RORA: variants seen among roughly 807,000 people sequenced by gnomAD.
RORA encodes the protein nuclear receptor ROR-alpha.
In RORA, 7 loss-of-function variants were observed where a neutral mutation model predicts 69.5. The ratio of observed to expected loss-of-function variants is 0.10; its 90% CI spans 0.06 to 0.19. The LOEUF is 0.19. RORA is among the 10% of genes least tolerant of loss of function. The pLI is 1.00. For missense variants in RORA, 457 were observed against 663.0 expected, an observed-to-expected ratio of 0.69 and a Z score of 3.41; for synonymous variants, 261 against 240.8, an observed-to-expected ratio of 1.08 and a Z score of -0.78.
At chr15:60,943,018 C>T (rs567380694) in intron 1 of RORA, among the ~76,000 whole-genome samples, 35 of 152,360 alleles carry the variant, frequency 2.3e-4, no homozygotes, top group African/African-American at 7.9e-4. Context: ...CTATTTTTAG[C>T]ATGAACTCTC....
At chr15:60,735,234 T>C (rs188929022) in intron 1 of RORA, among the ~76,000 whole-genome samples, 1 of 152,360 alleles carries the variant, frequency 6.6e-6, no homozygotes, top group African/African-American at 2.4e-5. Flanking sequence ...CAGAAAGATT[T>C]GTTGCTTATG....
At chr15:60,617,082 T>C (rs537786646) in intron 2 of RORA, among the ~76,000 whole-genome samples, 3 of 152,324 alleles carry the variant, frequency 2.0e-5, no homozygotes, top group African/African-American at 7.2e-5. Context: ...CTTTCTCTCC[T>C]TTCTGTCCTA....
intron 1 of RORA, among the ~76,000 whole-genome samples, chr15:61,149,646 A>G (rs1294862670): frequency 6.6e-6 from 1 of 152,196 alleles, no homozygotes; most frequent in African/African-American, 2.4e-5. Flanking sequence ...TTGAGATTCC[A>G]TATGAACTCC....
At chr15:60,638,481 C>A (rs1487066368) in intron 2 of RORA, among the ~76,000 whole-genome samples, 1 of 148,868 alleles carries the variant, frequency 6.7e-6, no homozygotes, top group Non-Finnish European at 1.5e-5. Flanking sequence ...AAGCATTAGT[C>A]CCAAGAAGTG....
intron 1 of RORA, among the ~76,000 whole-genome samples, chr15:61,207,505 A>G (rs2079953367): frequency 6.6e-6 from 1 of 152,240 alleles, no homozygotes; most frequent in African/African-American, 2.4e-5. Context: ...CATGAAAAGA[A>G]CAACACACAT....
intron 1 of RORA, among the ~76,000 whole-genome samples, chr15:60,958,374 A>G (rs1190046109): frequency 6.6e-6 from 1 of 152,182 alleles, no homozygotes; most frequent in Non-Finnish European, 1.5e-5. Flanking sequence ...TTACCAAAAC[A>G]TATGACTGTC....
chr15:61,015,238 G>A (rs1027245506), intron 1 of RORA, among the ~76,000 whole-genome samples: 10 of 152,110 alleles, frequency 6.6e-5, no homozygotes, highest in Admixed American at 1.3e-4. Context: ...AAGCCCTGGC[G>A]GCAGATTCTA....
At chr15:60,885,581 G>C (rs542944474) in intron 1 of RORA, among the ~76,000 whole-genome samples, 1 of 152,274 alleles carries the variant, frequency 6.6e-6, no homozygotes, top group South Asian at 2.1e-4. Flanking sequence ...AGACAGTCTG[G>C]TCCAGGCAAG....
chr15:61,099,842 C>T (rs760447486), intron 1 of RORA, among the ~76,000 whole-genome samples: 5 of 152,144 alleles, frequency 3.3e-5, no homozygotes, highest in African/African-American at 9.7e-5. Flanking sequence ...ATCCTTCTAC[C>T]CTTAGGTGAA....
chr15:60,516,009 ATT>A (rs2065885889), intron 3 of RORA, among the ~76,000 whole-genome samples: 7 of 11,796 alleles, frequency 5.9e-4, no homozygotes, highest in Non-Finnish European at 1.0e-3. Context: ...ATTTATATAT[ATT>A]TATATATATT....
intron 1 of RORA, among the ~76,000 whole-genome samples, chr15:60,715,987 C>G (rs1381685298): frequency 1.3e-5 from 2 of 152,218 alleles, no homozygotes; most frequent in Non-Finnish European, 2.9e-5. Context: ...TAGAACTACT[C>G]AGTCAGCATC....
intron 1 of RORA, among the ~76,000 whole-genome samples, chr15:60,834,249 C>T (rs565232172): frequency 4.0e-4 from 61 of 152,268 alleles, no homozygotes; most frequent in South Asian, 3.7e-3. Context: ...TCAGGGGCAA[C>T]CTTGAACCTT....
intron 1 of RORA, among the ~76,000 whole-genome samples, chr15:61,005,958 T>C (rs1894898385): frequency 9.0e-6 from 1 of 111,450 alleles, no homozygotes; most frequent in Non-Finnish European, 1.9e-5. Context: ...TTTGTTTGTT[T>C]GTTTTGTTTT....
At chr15:61,088,170 C>T (rs2078653102) in intron 1 of RORA, among the ~76,000 whole-genome samples, 1 of 152,200 alleles carries the variant, frequency 6.6e-6, no homozygotes, top group African/African-American at 2.4e-5. Context: ...TGAAATATGA[C>T]ATGGTTAGTG....
intron 2 of RORA, among the ~76,000 whole-genome samples, chr15:60,620,554 G>A (rs2069377159): frequency 6.6e-6 from 1 of 152,214 alleles, no homozygotes; most frequent in Non-Finnish European, 1.5e-5. Flanking sequence ...GCTCAATAAA[G>A]GCTGAACTCA....
intron 1 of RORA, among the ~76,000 whole-genome samples, chr15:60,825,225 C>A (rs1430475057): frequency 6.6e-6 from 1 of 152,142 alleles, no homozygotes; most frequent in African/African-American, 2.4e-5. Flanking sequence ...TGGCCACAAT[C>A]CATCACTGCT....
chr15:60,826,766 C>CCCT (rs2072966617), intron 1 of RORA, among the ~76,000 whole-genome samples: 21 of 126,096 alleles, frequency 1.7e-4, no homozygotes, highest in South Asian at 4.9e-4. Context: ...TCTCTCTCTC[C>CCCT]CTCTCTCTCT....
intron 1 of RORA, among the ~76,000 whole-genome samples, chr15:60,849,352 T>C (rs993455635): frequency 1.3e-5 from 2 of 152,234 alleles, no homozygotes; most frequent in East Asian, 1.9e-4. Context: ...CATTCACTTA[T>C]AGCCAATTGG....
intron 1 of RORA, among the ~76,000 whole-genome samples, chr15:60,853,808 T>C (rs897695925): frequency 6.6e-6 from 1 of 152,222 alleles, no homozygotes; most frequent in Non-Finnish European, 1.5e-5. Flanking sequence ...CAAATCTCAA[T>C]TGTTGTCCCT....
Sources: allele counts gnomAD v4.1 joint callset (sites outside exome capture counted in the v4.1 genomes callset), GRCh38; gene constraint gnomAD v4.1.1; transcripts MANE v1.5; gene names NCBI Gene and HGNC (gene_info 2026-07-23, HGNC 2026-07-21).